Variants in KIF24 observed in about 807,000 individuals in gnomAD.
KIF24 encodes kinesin family member 24, also known as kinesin-like protein KIF24.
Under a neutral mutation model 118.9 loss-of-function variants are expected in KIF24, and 81 were observed. The ratio of observed to expected loss-of-function variants is 0.68; its 90% CI spans 0.57 to 0.82. KIF24 has a LOEUF of 0.82. KIF24 is among the 40% of genes least tolerant of loss of function. KIF24 has a pLI of 0.00. For synonymous variants in KIF24, 599 were observed against 610.0 expected (o/e 0.98, Z 0.27); for missense variants, 1,560 against 1,661.6 (o/e 0.94, Z 1.06).
chr9:34,285,731 C>T (rs377362661), intron 6 of KIF24, among the ~76,000 whole-genome samples: 3 of 146,540 alleles, frequency 2.0e-5, no homozygotes, highest in African/African-American at 5.1e-5. Context: ...GCAGAGATTG[C>T]GCCACTGCAC....
Position 34,318,772 on chromosome 9 carries a change from G to A in KIF24, c.-25-7401C>T, listed in dbSNP as rs950513532. 35 of 1,526,804 alleles carry A rather than the reference G, an allele frequency of 2.3e-5. No individual in the cohort carries two copies. In the African/African-American group the frequency reaches 4.4e-4, roughly 19 times the overall value. The allele number at this position is 1,526,804 out of a possible 1,614,324, so 94.6% of individuals were successfully genotyped here. A position where few individuals can be genotyped will look rare whatever the true frequency, so the allele number is the denominator to read the frequency against. On this transcript the variant is annotated intron_variant, in intron 1 of 12. Coordinates refer to ENST00000402558, the MANE Select transcript of KIF24 (RefSeq NM_194313.4). This position sits in a 1 kb window ranked among gnomAD's most constrained non-coding sequence, Gnocchi z 4.9. ...TGCGTTCACTCAGCAACTCCACCGC[G>A]CGCAACGTGACCTGGAAGCTGTGCA...
At chr9:34,324,150 A>G (rs1304001897) in intron 1 of KIF24, among the ~76,000 whole-genome samples, 1 of 152,220 alleles carries the variant, frequency 6.6e-6, no homozygotes, top group African/African-American at 2.4e-5. Flanking sequence ...CAGAATCCCA[A>G]TGTAACTTTA....
intron 4 of KIF24, among the ~76,000 whole-genome samples, chr9:34,294,130 T>A (rs895108257): frequency 7.9e-5 from 12 of 152,048 alleles, no homozygotes; most frequent in South Asian, 4.2e-4. Context: ...ATTAAAAAAA[T>A]TTTTTTTAGA....
At chr9:34,323,764 C>T (rs952014439) in intron 1 of KIF24, among the ~76,000 whole-genome samples, 5 of 152,078 alleles carry the variant, frequency 3.3e-5, no homozygotes, top group African/African-American at 1.2e-4. Flanking sequence ...AAGCAAAGAA[C>T]GACTAAAACA....
rs903894634 is a variant in KIF24 at position 34,252,591 on chromosome 9, TAA to T, written c.*1787_*1788del. The T allele has an allele frequency of 4.3e-4, 65 of 152,732 alleles. No individual in the cohort carries two copies. The highest frequency in any genetic ancestry group is 1.5e-3 in the African/African-American group (63 of 41,566). The allele number at this position is 152,732 out of a possible 1,614,324, so 9.5% of individuals were successfully genotyped here. A position where few individuals can be genotyped will look rare whatever the true frequency, so the allele number is the denominator to read the frequency against. On this transcript the variant is annotated 3_prime_UTR_variant, in exon 13 of 13. Transcript: ENST00000402558. ...GGGAGTGGGGGGGCCATGTGGTGTA[TAA>T]AGAGATTTCTTGCTTAGATTTGCTG...
intron 6 of KIF24, among the ~76,000 whole-genome samples, chr9:34,277,084 A>C (rs928547716): frequency 6.6e-6 from 1 of 152,232 alleles, no homozygotes; most frequent in Admixed American, 6.5e-5. Context: ...TCATTAGAAA[A>C]GACAAACTTA....
intron 1 of KIF24, 108 bp from the exon 2 acceptor site, chr9:34,311,479 G>GTT: frequency 1.9e-6 from 1 of 514,556 alleles, no homozygotes; most frequent in Middle Eastern, 5.2e-4. Flanking sequence ...TGCAAAAAAT[G>GTT]TTTTATCTGT....
upstream of KIF24, among the ~76,000 whole-genome samples, chr9:34,333,247 A>G (rs995005879): frequency 6.6e-6 from 1 of 152,152 alleles, no homozygotes; most frequent in Non-Finnish European, 1.5e-5. Context: ...TTTAACATCT[A>G]CGGCCCTCTC....
Position 34,297,042 on chromosome 9 carries a change from G to T in KIF24, c.886C>A (p.Pro296Thr). 6.3e-7 allele frequency: 1 copy of T among 1,586,656 alleles called. No homozygotes were observed. The highest frequency in any genetic ancestry group is 8.6e-7 in the Non-Finnish European group (1 of 1,159,986). ...CCATTGAAAATATGCTGAATAAGTG[G>T]GTGAGTAGTCTTCATGTATACATCC... is the stretch of plus-strand genomic sequence containing the variant. ...NQDVYMKTTH[P>T]LIQHIFNGGN... is the part of the protein sequence containing the mutation. Residue 296 changes from proline (P) to threonine (T), a missense_variant, in exon 4 of 13, where the codon CCA becomes ACA. This residue lies in a region of KIF24 where 964 missense variants were observed against 988.0 expected (regional missense o/e 0.98). Coordinates refer to ENST00000402558, the MANE Select transcript of KIF24 (RefSeq NM_194313.4).
At chr9:34,276,977 C>T (rs993369937) in intron 6 of KIF24, among the ~76,000 whole-genome samples, 2 of 152,198 alleles carry the variant, frequency 1.3e-5, no homozygotes, top group African/African-American at 2.4e-5. Context: ...CCTGGCTTCT[C>T]CCTGTCCCTT....
Position 34,290,393 on chromosome 9 carries a change from G to A in KIF24, c.912-4C>T. On this transcript the variant is annotated splice_region_variant and splice_polypyrimidine_tract_variant and intron_variant, in intron 4 of 12. Coordinates refer to ENST00000402558, the MANE Select transcript of KIF24 (RefSeq NM_194313.4). ...AGCAAAGCAAGTGGCATTGCCTCTGGGGAAAGGATAATTTGCATTACTTAT... is the reference window on the plus strand; with the variant it reads ...AGCAAAGCAAGTGGCATTGCCTCTGAGGAAAGGATAATTTGCATTACTTAT... 3 of 1,591,672 alleles carry A rather than the reference G, an allele frequency of 1.9e-6. No homozygotes were observed. The highest frequency in any genetic ancestry group is 2.6e-6 in the Non-Finnish European group (3 of 1,161,936).
intron 1 of KIF24, among the ~76,000 whole-genome samples, chr9:34,321,646 G>A (rs111332288): frequency 5.7e-5 from 7 of 123,124 alleles, no homozygotes; most frequent in African/African-American, 9.2e-5. Flanking sequence ...TCACTCTGTC[G>A]CCCAGGCTGG....
At chr9:34,263,607 T>C (rs1835175478) in intron 8 of KIF24, among the ~76,000 whole-genome samples, 1 of 152,174 alleles carries the variant, frequency 6.6e-6, no homozygotes, top group Non-Finnish European at 1.5e-5. Context: ...TGCACACCCG[T>C]TGGCGTAGAG....
intron 3 of KIF24, among the ~76,000 whole-genome samples, chr9:34,301,703 G>A (rs1836711329): frequency 1.3e-5 from 2 of 151,938 alleles, no homozygotes; most frequent in Admixed American, 6.6e-5. Flanking sequence ...TGGCATGGTG[G>A]TGTGATGCCT....
chr9:34,320,351 AAAAG>A lies in KIF24; in HGVS notation c.-26+8751_-26+8754del, dbSNP rs1481472581. On this transcript the variant is annotated intron_variant, in intron 1 of 12. Transcript: ENST00000402558. The stretch of plus-strand genomic sequence containing the variant: ...TTCCAACAAAAAAAAAAAAAAAAGA[AAAAG>A]AAAAGAAATAGGCTATAACCAGCCA... 7.3e-5 allele frequency among the ~76,000 whole-genome samples: 11 copies of A among 150,732 alleles called. No individual in the cohort carries two copies. In the East Asian group the frequency reaches 2.1e-3, roughly 29 times the overall value.
chr9:34,325,518 C>A (rs551955766), intron 1 of KIF24, among the ~76,000 whole-genome samples: 1 of 152,006 alleles, frequency 6.6e-6, no homozygotes, highest in African/African-American at 2.4e-5. Context: ...CATGGTGAAA[C>A]CCCATCTCCA....
At chr9:34,291,076 T>C (rs547577328) in intron 4 of KIF24, among the ~76,000 whole-genome samples, 22 of 152,290 alleles carry the variant, frequency 1.4e-4, no homozygotes, top group African/African-American at 5.3e-4. Flanking sequence ...AAAAGTTAAA[T>C]TTAGTGAAAG....
At chr9:34,277,055 C>T (rs2890545) in intron 6 of KIF24, among the ~76,000 whole-genome samples, 106,320 of 152,048 alleles carry the variant, frequency 0.7, 39,161 homozygotes, top group East Asian at 0.92. Flanking sequence ...TCGTTCCTTT[C>T]TCAAACTCTT....
intron 4 of KIF24, among the ~76,000 whole-genome samples, chr9:34,293,425 A>G (rs1478096737): frequency 6.8e-6 from 1 of 147,552 alleles, no homozygotes. Context: ...AGTTGCAGTG[A>G]GCTGAGATCG....
Sources: gnomAD v4.1 joint callset for allele counts (sites outside exome capture counted in the v4.1 genomes callset) on GRCh38, gnomAD v4.1.1 for gene constraint, gnomAD v4.1.1 regional missense constraint, Gnocchi (gnomAD v3.1) non-coding constraint, MANE v1.5 for transcripts, NCBI Gene and HGNC (gene_info 2026-07-23, HGNC 2026-07-21) for gene names.